The following CTNNBL1 variants were observed in gnomAD, a reference collection of about 807,000 sequenced individuals.
CTNNBL1 encodes the protein beta-catenin-like protein 1.
A neutral mutation model predicts 72.7 loss-of-function variants in CTNNBL1; 31 were observed. The observed-to-expected ratio is 0.43, with a 90% CI of 0.32 to 0.58. The LOEUF (loss-of-function observed/expected upper bound fraction) is 0.58, where lower values mean the gene tolerates loss of function less well. Ranked by LOEUF, CTNNBL1 falls within the 20% of genes least tolerant of loss-of-function variation. CTNNBL1 has a pLI of 0.08. For synonymous variants in CTNNBL1, 240 were observed against 267.3 expected, an observed-to-expected ratio of 0.90 and a Z score of 1.00; for missense variants, 534 against 725.1, an observed-to-expected ratio of 0.74 and a Z score of 3.03.
intron 6 of CTNNBL1, 94 bp downstream of exon 6, chr20:37,765,384 T>C: frequency 1.3e-6 from 1 of 797,998 alleles, no homozygotes; most frequent in Non-Finnish European, 2.1e-6. Context: ...ATAGAGTCAA[T>C]AGCAGGCTGT....
chr20:37,849,226 C>T (rs2072373468), intron 13 of CTNNBL1, among the ~76,000 whole-genome samples: 1 of 152,204 alleles, frequency 6.6e-6, no homozygotes. Flanking sequence ...TTGGGCCCTC[C>T]AGTTCATTTT....
intron 11 of CTNNBL1, among the ~76,000 whole-genome samples, chr20:37,813,488 A>G (rs1289757161): frequency 1.3e-5 from 2 of 152,248 alleles, no homozygotes; most frequent in Non-Finnish European, 2.9e-5. Flanking sequence ...TCCGCTAATT[A>G]GCCCAAATTC....
chr20:37,840,075 T>C (rs553392221), intron 11 of CTNNBL1, 27 bp from the exon 12 acceptor site: 1 of 1,544,764 alleles, frequency 6.5e-7, no homozygotes, highest in South Asian at 1.1e-5. Flanking sequence ...GATCTCAGCA[T>C]GTTCTCTTTT....
chr20:37,792,781 G>A (rs1297999385), intron 10 of CTNNBL1, among the ~76,000 whole-genome samples: 1 of 152,154 alleles, frequency 6.6e-6, no homozygotes, highest in Non-Finnish European at 1.5e-5. Context: ...GGTGTTTACT[G>A]CTATAAATTT....
chr20:37,703,004 A>G (rs1424330401), intron 1 of CTNNBL1, among the ~76,000 whole-genome samples: 1 of 152,244 alleles, frequency 6.6e-6, no homozygotes, highest in Non-Finnish European at 1.5e-5. Context: ...AATTGGGTTC[A>G]CAACTGATAC....
intron 15 of CTNNBL1, among the ~76,000 whole-genome samples, chr20:37,866,133 TG>T (rs1380632163): frequency 6.6e-6 from 1 of 152,230 alleles, no homozygotes; most frequent in Non-Finnish European, 1.5e-5. Flanking sequence ...GAGAGAGGCC[TG>T]TATGTTAGCC....
intron 5 of CTNNBL1, among the ~76,000 whole-genome samples, chr20:37,762,732 A>G (rs1000075800): frequency 3.3e-5 from 5 of 152,244 alleles, no homozygotes; most frequent in African/African-American, 1.2e-4. Flanking sequence ...TATGCATAAT[A>G]TAAATATTTT....
At chr20:37,707,574 A>G (rs1234427698) in intron 1 of CTNNBL1, among the ~76,000 whole-genome samples, 1 of 152,226 alleles carries the variant, frequency 6.6e-6, no homozygotes, top group Non-Finnish European at 1.5e-5. Context: ...GCTTGGCTCA[A>G]GAGAATGTTG....
intron 6 of CTNNBL1, 22 bp from the exon 7 acceptor site, chr20:37,767,931 A>T (rs1215094474): frequency 3.1e-6 from 5 of 1,604,230 alleles, no homozygotes; most frequent in Non-Finnish European, 4.3e-6. Flanking sequence ...CTCCCAAATG[A>T]CTGGTGTCTG....
rs770360937 is a variant in CTNNBL1 at position 37,840,177 on chromosome 20, T to G, written c.1289T>G (p.Phe430Cys). ...CAGCGGACCCGGCTTCTGAATAAATTCACTGAAAATGACAGTGAGAAGGTG... is the reference window on the plus strand; with the variant it reads ...CAGCGGACCCGGCTTCTGAATAAATGCACTGAAAATGACAGTGAGAAGGTG... ...GQQRTRLLNK[F>C]TENDSEKVDR... Residue 430 changes from phenylalanine (F) to cysteine (C), a missense_variant, in exon 12 of 16, where the codon TTC becomes TGC. Physicochemically the swap from Phe to Cys is radical, Grantham distance 205. Transcript: ENST00000361383. The G allele has an allele frequency of 6.2e-7, 1 of 1,613,364 alleles. No individual in the cohort carries two copies. The highest frequency in any genetic ancestry group is 1.1e-5 in the South Asian group (1 of 91,004).
intron 3 of CTNNBL1, among the ~76,000 whole-genome samples, chr20:37,742,657 CT>C (rs2122616078): frequency 6.6e-6 from 1 of 152,242 alleles, no homozygotes; most frequent in Non-Finnish European, 1.5e-5. Context: ...CTTACTGTCT[CT>C]TTAAGCTTTG....
rs146120578 is a variant in CTNNBL1 at position 37,758,473 on chromosome 20, G to A, written c.564+817G>A. Among the ~76,000 whole-genome samples the A allele has an allele frequency of 3.3e-5, 5 of 152,314 alleles. No individual in the cohort carries two copies. The East Asian group carries it at 7.7e-4, about 23-fold the overall frequency. On this transcript the variant is annotated intron_variant, in intron 5 of 15. Coordinates refer to ENST00000361383, the MANE Select transcript of CTNNBL1 (RefSeq NM_030877.5). ...AGCCTCCCGCTGGGTCGCTCAGCCCGTCCTGTGACAGCTGATAAAAGAGAC... is the reference window on the plus strand; with the variant it reads ...AGCCTCCCGCTGGGTCGCTCAGCCCATCCTGTGACAGCTGATAAAAGAGAC...
At chr20:37,847,000 A>G (rs1328376957) in intron 13 of CTNNBL1, among the ~76,000 whole-genome samples, 2 of 152,314 alleles carry the variant, frequency 1.3e-5, no homozygotes, top group East Asian at 3.9e-4. Flanking sequence ...CAGTAAATGA[A>G]AGACCACTGC....
At chr20:37,830,781 C>T (rs902859932) in intron 11 of CTNNBL1, among the ~76,000 whole-genome samples, 3 of 152,170 alleles carry the variant, frequency 2.0e-5, no homozygotes, top group Admixed American at 6.5e-5. Flanking sequence ...CATTAGCCTA[C>T]AGCTGGGCAA....
intron 10 of CTNNBL1, among the ~76,000 whole-genome samples, chr20:37,789,841 T>G (rs964224559): frequency 2.0e-5 from 3 of 152,240 alleles, no homozygotes; most frequent in Admixed American, 2.0e-4. Context: ...CTTGAAAATG[T>G]TGACATGAAG....
chr20:37,714,746 G>T (rs917039115), intron 1 of CTNNBL1, among the ~76,000 whole-genome samples: 2 of 152,204 alleles, frequency 1.3e-5, no homozygotes, highest in African/African-American at 2.4e-5. Context: ...GTTTTATTTT[G>T]TGTTGGTTGG....
chr20:37,767,686 A>G (rs534895455), intron 6 of CTNNBL1, among the ~76,000 whole-genome samples: 1 of 152,074 alleles, frequency 6.6e-6, no homozygotes, highest in Admixed American at 6.6e-5. Flanking sequence ...GTTCCGCTCT[A>G]GTGTTGTTCC....
At chr20:37,790,287 C>T (rs1042456632) in intron 10 of CTNNBL1, among the ~76,000 whole-genome samples, 38 of 152,122 alleles carry the variant, frequency 2.5e-4, no homozygotes, top group African/African-American at 8.5e-4. Context: ...TAATGAACAT[C>T]GGAAGGTCCA....
At chr20:37,773,367 A>G (rs2073542573) in intron 7 of CTNNBL1, among the ~76,000 whole-genome samples, 1 of 152,210 alleles carries the variant, frequency 6.6e-6, no homozygotes, top group Non-Finnish European at 1.5e-5. Flanking sequence ...ACTTTCCAGA[A>G]AAGCAGCAGC....
Sources: allele counts gnomAD v4.1 joint callset (sites outside exome capture counted in the v4.1 genomes callset), GRCh38; gene constraint gnomAD v4.1.1; transcripts MANE v1.5; gene names NCBI Gene and HGNC (gene_info 2026-07-23, HGNC 2026-07-21).